The following CAMK1D variants were observed in gnomAD, a reference collection of about 807,000 sequenced individuals.
CAMK1D encodes the protein calcium/calmodulin dependent protein kinase ID.
In CAMK1D, 9 loss-of-function variants were observed where a neutral mutation model predicts 47.7. The ratio of observed to expected loss-of-function variants is 0.19; its 90% CI spans 0.11 to 0.33. The LOEUF (loss-of-function observed/expected upper bound fraction) is 0.33. CAMK1D is among the 10% of genes least tolerant of loss of function. CAMK1D has a pLI of 1.00. For synonymous variants in CAMK1D, 184 were observed against 184.9 expected (o/e 0.99, Z 0.04); for missense variants, 291 against 488.7 (o/e 0.60, Z 3.81).
intron 4 of CAMK1D, among the ~76,000 whole-genome samples, chr10:12,767,837 G>T (rs945245678): frequency 6.6e-6 from 1 of 152,156 alleles, no homozygotes; most frequent in Non-Finnish European, 1.5e-5. Context: ...GTATGTATTT[G>T]TCTCCCGTGA....
chr10:12,484,635 C>T (rs778845826), intron 1 of CAMK1D, among the ~76,000 whole-genome samples: 9 of 152,162 alleles, frequency 5.9e-5, no homozygotes, highest in South Asian at 2.1e-4. Flanking sequence ...AGCTCATTCA[C>T]GGGGACCACT....
intron 1 of CAMK1D, among the ~76,000 whole-genome samples, chr10:12,447,122 G>C (rs1478561990): frequency 6.6e-6 from 1 of 152,038 alleles, no homozygotes; most frequent in Non-Finnish European, 1.5e-5. Flanking sequence ...TTTTTACTGA[G>C]TATATTCTTC....
chr10:12,566,775 G>A (rs1454570159), intron 2 of CAMK1D, among the ~76,000 whole-genome samples: 2 of 152,194 alleles, frequency 1.3e-5, no homozygotes, highest in African/African-American at 2.4e-5. Flanking sequence ...TCCTTGGTAT[G>A]TTGCACAGGA....
At position 12,417,069 on chromosome 10, in the gene CAMK1D, C is replaced by T. The variant is rs76180693; in HGVS notation, c.92+67159C>T. ...CAAGCCCCCGAAGCCTCTCTGTCCTCATCTGTAAAATGGGGACAGTGGCAG... is the reference window on the plus strand; with the variant it reads ...CAAGCCCCCGAAGCCTCTCTGTCCTTATCTGTAAAATGGGGACAGTGGCAG... On this transcript the variant is annotated intron_variant, in intron 1 of 10. Transcript: ENST00000619168. Among the ~76,000 whole-genome samples the T allele has an allele frequency of 9.2e-3, 1,400 of 152,294 alleles. 14 individuals carry two copies. The highest frequency in any genetic ancestry group is 0.026 in the African/African-American group (1,089 of 41,558).
At chr10:12,376,312 A>G (rs761155042) in intron 1 of CAMK1D, among the ~76,000 whole-genome samples, 2 of 151,952 alleles carry the variant, frequency 1.3e-5, no homozygotes, top group Non-Finnish European at 2.9e-5. Context: ...TTGACAGATG[A>G]GGAGAACTAA....
chr10:12,819,275 C>T (rs975393120), intron 8 of CAMK1D, among the ~76,000 whole-genome samples: 1 of 152,212 alleles, frequency 6.6e-6, no homozygotes, highest in South Asian at 2.1e-4. Flanking sequence ...GGAGGGAATT[C>T]CAGGCAGATG....
intron 1 of CAMK1D, among the ~76,000 whole-genome samples, chr10:12,443,288 C>A (rs1832834742): frequency 6.6e-6 from 1 of 152,124 alleles, no homozygotes; most frequent in South Asian, 2.1e-4. Context: ...ACACCAGGTA[C>A]CATGGTCAAA....
chr10:12,831,603 C>G lies in CAMK1D; in HGVS notation c.*2716C>G, dbSNP rs1833419563. 6.6e-6 allele frequency: 1 copy of G among 152,206 alleles called. No homozygotes were observed. The highest frequency in any genetic ancestry group is 6.5e-5 in the Admixed American group (1 of 15,284). The allele number at this position is 152,206 out of a possible 1,614,324, so 9.4% of individuals were successfully genotyped here. A position where few individuals can be genotyped will look rare whatever the true frequency, so the allele number is the denominator to read the frequency against. On this transcript the variant is annotated 3_prime_UTR_variant, in exon 11 of 11. Transcript: ENST00000619168. The stretch of plus-strand genomic sequence containing the variant: ...AGGTGAGCCGTGGTGCAGGTGCCCC[C>G]CTCGCTGTTCGGGTCAGTTCTTGGC...
chr10:12,382,540 C>T (rs563390008), intron 1 of CAMK1D, among the ~76,000 whole-genome samples: 1 of 152,142 alleles, frequency 6.6e-6, no homozygotes, highest in East Asian at 1.9e-4. Context: ...AGTTTAAAAA[C>T]CAGGATGGGC....
chr10:12,814,354 T>TAA, intron 7 of CAMK1D, 47 bp downstream of exon 7: 1 of 1,238,388 alleles, frequency 8.1e-7, no homozygotes, highest in Non-Finnish European at 1.2e-6. Context: ...CCGCGACACT[T>TAA]ACACCCAGAC....
intron 2 of CAMK1D, among the ~76,000 whole-genome samples, chr10:12,663,141 A>T (rs1160954233): frequency 6.6e-6 from 1 of 151,526 alleles, no homozygotes; most frequent in Admixed American, 6.6e-5. Flanking sequence ...TTGTATTTTT[A>T]GTAGGAATGG....
chr10:12,541,678 G>A (rs1046644514), intron 1 of CAMK1D, among the ~76,000 whole-genome samples: 1 of 151,718 alleles, frequency 6.6e-6, no homozygotes, highest in Non-Finnish European at 1.5e-5. Context: ...TACTGTTATG[G>A]TCCATTCGGA....
intron 2 of CAMK1D, among the ~76,000 whole-genome samples, chr10:12,638,884 G>A (rs770007676): frequency 8.5e-5 from 13 of 152,162 alleles, no homozygotes; most frequent in South Asian, 2.1e-4. Context: ...CGTAGTCCCC[G>A]TTGGTGTCCC....
intron 2 of CAMK1D, among the ~76,000 whole-genome samples, chr10:12,658,109 C>T (rs901483255): frequency 3.9e-5 from 6 of 151,996 alleles, no homozygotes; most frequent in African/African-American, 1.5e-4. Context: ...GATCGTGCCA[C>T]TGCACTCCAG....
chr10:12,716,057 G>T (rs1834121206), intron 3 of CAMK1D, among the ~76,000 whole-genome samples: 1 of 152,048 alleles, frequency 6.6e-6, no homozygotes. Flanking sequence ...TTGAGTGCTT[G>T]CTGTGCGTCA....
intron 1 of CAMK1D, among the ~76,000 whole-genome samples, chr10:12,504,987 G>A (rs1220071340): frequency 1.3e-5 from 2 of 151,522 alleles, no homozygotes; most frequent in East Asian, 1.9e-4. Context: ...ACAAAGCAAC[G>A]CTTCGAAGCA....
intron 3 of CAMK1D, among the ~76,000 whole-genome samples, chr10:12,688,316 A>G (rs1430686118): frequency 6.6e-6 from 1 of 152,210 alleles, no homozygotes; most frequent in African/African-American, 2.4e-5. Context: ...ACTGAATCTT[A>G]GTGTCGTAGC....
At chr10:12,523,738 A>G (rs1381677519) in intron 1 of CAMK1D, among the ~76,000 whole-genome samples, 1 of 152,082 alleles carries the variant, frequency 6.6e-6, no homozygotes, top group Non-Finnish European at 1.5e-5. Context: ...GACCGTGGAA[A>G]GAGAGGGAGA....
intron 2 of CAMK1D, among the ~76,000 whole-genome samples, chr10:12,658,219 G>C (rs1372884921): frequency 2.0e-5 from 3 of 152,196 alleles, no homozygotes; most frequent in Non-Finnish European, 2.9e-5. Context: ...AACAGCAAAG[G>C]GTTCTCAGTG....
Sources: gnomAD v4.1 joint callset for allele counts (sites outside exome capture counted in the v4.1 genomes callset) on GRCh38, gnomAD v4.1.1 for gene constraint, MANE v1.5 for transcripts, NCBI Gene and HGNC (gene_info 2026-07-23, HGNC 2026-07-21) for gene names.